Variants in BCAP29 observed in about 807,000 individuals in gnomAD.
BCAP29 encodes the protein B-cell receptor-associated protein 29.
BCAP29 carries 34 observed loss-of-function variants against 31.8 expected under a neutral mutation model. That is an observed-to-expected ratio of 1.07 (90% CI 0.81 to 1.42). BCAP29 has a LOEUF of 1.42. Among genes scored for constraint, BCAP29 ranks in the 40% most tolerant of loss-of-function variants. The probability of loss-of-function intolerance (pLI) is 0.00; values close to 1 mark genes in which losing one functional copy is unlikely to be tolerated. For missense variants in BCAP29, 314 were observed against 269.2 expected (o/e 1.17, Z -1.16); for synonymous variants, 104 against 91.3 (o/e 1.14, Z -0.79).
At chr7:107,601,233 T>G (rs565564481) in intron 6 of BCAP29, among the ~76,000 whole-genome samples, 2 of 152,360 alleles carry the variant, frequency 1.3e-5, no homozygotes, top group South Asian at 4.1e-4. Context: ...GCTTGATGAT[T>G]TGCAACATTT....
chr7:107,594,086 T>C lies in BCAP29; in HGVS notation c.325T>C (p.Phe109Leu). The C allele has an allele frequency of 6.2e-7, 1 of 1,610,908 alleles. No homozygotes were observed. The highest frequency in any genetic ancestry group is 8.5e-7 in the Non-Finnish European group (1 of 1,178,492). Residue 109 changes from phenylalanine (F) to leucine (L), a missense_variant, in exon 4 of 8, where the codon TTT becomes CTT. Transcript: ENST00000005259. ...TCAAAGAAATCTTTACATTTCTGGA[T>C]TTTCCCTATTTTTTTGGCTGTAAGT... Reference protein sequence around the residue: ...RSQRNLYISGFSLFFWLVLRR... With the variant: ...RSQRNLYISGLSLFFWLVLRR...
At chr7:107,622,191 T>C (rs982742992), downstream of BCAP29, 5 of 208,940 alleles carry the variant, frequency 2.4e-5, no homozygotes, top group Admixed American at 2.8e-4. Flanking sequence ...TTCTCTCATA[T>C]ACATGCTCTC....
Position 107,591,425 on chromosome 7 carries a change from ACCT to A in BCAP29, c.194-2525_194-2523del, listed in dbSNP as rs138065684. 7.1e-4 allele frequency among the ~76,000 whole-genome samples: 108 copies of A among 152,106 alleles called. 1 individual carries two copies. Among genetic ancestry groups the A allele is most frequent in the African/African-American group, 2.5e-3 (103 of 41,476 alleles). On this transcript the variant is annotated intron_variant, in intron 3 of 7. Transcript: ENST00000005259. ...GAAAGCCTTAATAGAACAAAGATTG[ACCT>A]CCTCTGAGCAAAAAGGAATTTTGAC...
chr7:107,580,064 G>A (rs559132957), upstream of BCAP29: 5 of 152,464 alleles, frequency 3.3e-5, no homozygotes, highest in African/African-American at 1.2e-4. Context: ...CGACCTCCAA[G>A]CATCAGGTCA....
Position 107,620,408 on chromosome 7 carries a change from A to C in BCAP29, c.*2045A>C, listed in dbSNP as rs1474647029. ...CATGCTGTGTTTGGTAGTTTTTCCT[A>C]GTACTCTCCTTAATAATGGTGGTGT... is the stretch of plus-strand genomic sequence containing the variant. On this transcript the variant is annotated 3_prime_UTR_variant, in exon 8 of 8. Transcript: ENST00000005259. 6.6e-6 allele frequency: 1 copy of C among 152,166 alleles called. No homozygotes were observed. Among genetic ancestry groups the C allele is most frequent in the African/African-American group, 2.4e-5 (1 of 41,442 alleles). The allele number at this position is 152,166 out of a possible 1,614,324, so 9.4% of individuals were successfully genotyped here.
At chr7:107,613,284 A>T (rs1254449284) in intron 6 of BCAP29, 48 bp from the exon 7 acceptor site, 1 of 1,423,826 alleles carries the variant, frequency 7.0e-7, no homozygotes, top group Non-Finnish European at 9.7e-7. Flanking sequence ...TTTTCTATAA[A>T]TTTGAAATTA....
intron 6 of BCAP29, among the ~76,000 whole-genome samples, chr7:107,600,782 G>T (rs75598545): frequency 0.043 from 6,612 of 152,258 alleles, 470 homozygotes; most frequent in African/African-American, 0.15. Flanking sequence ...CTAAAAAGTT[G>T]TTTATAAATG....
intron 4 of BCAP29, 23 bp downstream of exon 4, chr7:107,594,128 AG>A (rs776512007): frequency 2.6e-6 from 4 of 1,561,658 alleles, no homozygotes; most frequent in Non-Finnish European, 2.6e-6. Flanking sequence ...TAATAATAGA[AG>A]CACAATTTAA....
intron 6 of BCAP29, among the ~76,000 whole-genome samples, chr7:107,604,442 C>T (rs1811715860): frequency 6.6e-6 from 1 of 152,162 alleles, no homozygotes; most frequent in Non-Finnish European, 1.5e-5. Context: ...AAGAATAAGA[C>T]ATAAGCTTTG....
chr7:107,590,476 A>G (rs1228839316), intron 3 of BCAP29, among the ~76,000 whole-genome samples: 4 of 152,212 alleles, frequency 2.6e-5, no homozygotes, highest in African/African-American at 7.2e-5. Context: ...TAAAGATTGC[A>G]AAGAAAGAAG....
rs1474513122 is a variant in BCAP29, at chr7:107,619,489, T to C, written c.*1126T>C. On this transcript the variant is annotated 3_prime_UTR_variant, in exon 8 of 8. Coordinates refer to ENST00000005259, the MANE Select transcript of BCAP29 (RefSeq NM_018844.4). Reference sequence around the variant, plus strand: ...CTCTTGTCTTTGTTACATCCTCTGTTTATTATAATTTTAGCACCAACTTCA... The same window carrying C: ...CTCTTGTCTTTGTTACATCCTCTGTCTATTATAATTTTAGCACCAACTTCA... 6.6e-6 allele frequency: 1 copy of C among 152,120 alleles called. No individual in the cohort carries two copies. The highest frequency in any genetic ancestry group is 1.9e-4 in the East Asian group (1 of 5,200). The allele number at this position is 152,120 out of a possible 1,614,324, so 9.4% of individuals were successfully genotyped here. A position where few individuals can be genotyped will look rare whatever the true frequency, so the allele number is the denominator to read the frequency against.
chr7:107,613,263 AG>A (rs1393664748), intron 6 of BCAP29, 68 bp from the exon 7 acceptor site: 1 of 1,174,966 alleles, frequency 8.5e-7, no homozygotes, highest in Non-Finnish European at 1.2e-6. Flanking sequence ...TCTCTATTTA[AG>A]CCTTGTAACT....
chr7:107,593,994 C>T lies in BCAP29; in HGVS notation c.233C>T (p.Thr78Ile), dbSNP rs561585421. 15 of 1,613,754 alleles carry T rather than the reference C, an allele frequency of 9.3e-6. 1 individual carries two copies. In the South Asian group the frequency reaches 1.2e-4, roughly 13 times the overall value. The stretch of plus-strand genomic sequence containing the variant: ...GTAAGGAAATATTCCTCAGTTCATA[C>T]CATTGAGAAGAGCTCCACCAGCAGA... ...REVRKYSSVH[T>I]IEKSSTSRPD... is the part of the protein sequence containing the mutation. Residue 78 changes from threonine to isoleucine, a missense_variant, in exon 4 of 8, where the codon ACC becomes ATC. Transcript: ENST00000005259.
In BCAP29 at chr7:107,618,497, T is replaced by G. The variant is rs746407299; in HGVS notation, c.*134T>G. 6.2e-7 allele frequency: 1 copy of G among 1,612,174 alleles called. No individual in the cohort carries two copies. Among genetic ancestry groups the G allele is most frequent in the Non-Finnish European group, 8.5e-7 (1 of 1,178,516 alleles). On this transcript the variant is annotated 3_prime_UTR_variant, in exon 8 of 8. Transcript: ENST00000005259. ...TTTTAATGCCACACATAGGTTGTAT[T>G]GTAATGGCATTATCAAAATATTTGA...
downstream of BCAP29, chr7:107,622,143 A>G (rs999458523): frequency 8.3e-6 from 3 of 362,942 alleles, no homozygotes; most frequent in African/African-American, 4.2e-5. Flanking sequence ...CACATGGACT[A>G]TGACGACCTC....
At chr7:107,593,374 C>T (rs922770280) in intron 3 of BCAP29, among the ~76,000 whole-genome samples, 2 of 152,202 alleles carry the variant, frequency 1.3e-5, no homozygotes, top group African/African-American at 4.8e-5. Flanking sequence ...CTGAAAGCAT[C>T]AAAGGAGCAG....
chr7:107,617,896 AG>A (rs1388095109), intron 7 of BCAP29, among the ~76,000 whole-genome samples: 1 of 152,216 alleles, frequency 6.6e-6, no homozygotes, highest in African/African-American at 2.4e-5. Context: ...GATGTAATAT[AG>A]TAATCTTTAT....
At chr7:107,581,456 G>T (rs1346905314) in intron 2 of BCAP29, among the ~76,000 whole-genome samples, 1 of 152,196 alleles carries the variant, frequency 6.6e-6, no homozygotes, top group African/African-American at 2.4e-5. Context: ...GTTAGTGACG[G>T]AACTTCTAAG....
At chr7:107,616,674 C>G (rs1358951677) in intron 7 of BCAP29, among the ~76,000 whole-genome samples, 1 of 152,080 alleles carries the variant, frequency 6.6e-6, no homozygotes, top group Non-Finnish European at 1.5e-5. Context: ...CATCCCCCAC[C>G]GTTGTCCAAT....
Sources: allele counts gnomAD v4.1 joint callset (sites outside exome capture counted in the v4.1 genomes callset), GRCh38; gene constraint gnomAD v4.1.1; transcripts MANE v1.5; gene names NCBI Gene and HGNC (gene_info 2026-07-23, HGNC 2026-07-21).